FANCB: variants seen among roughly 807,000 people sequenced by gnomAD.
FANCB encodes the protein Fanconi anemia group B protein.
FANCB carries 5 observed loss-of-function variants against 38.9 expected under a neutral mutation model. The observed-to-expected ratio is 0.13, with a 90% CI of 0.07 to 0.27. The LOEUF (loss-of-function observed/expected upper bound fraction) is 0.27. Among genes scored for constraint, FANCB ranks in the 10% least tolerant of loss-of-function variants. The pLI is 1.00. For synonymous variants in FANCB, 236 were observed against 215.4 expected (o/e 1.10, Z -0.84); for missense variants, 573 against 602.7 (o/e 0.95, Z 0.52).
downstream of FANCB, among the ~76,000 whole-genome samples, chrX:14,832,137 AAAC>A (rs2092328950): frequency 8.9e-6 from 1 of 111,879 alleles, no homozygotes; most frequent in Non-Finnish European, 1.9e-5. Flanking sequence ...GGGTGGCTTA[AAAC>A]AACAGAAATT....
At chrX:14,734,784 G>A in the FANCB span, among the ~76,000 whole-genome samples, 1 of 110,704 alleles carries the variant, frequency 9.0e-6, no homozygotes, top group East Asian at 2.8e-4. Context: ...TGCTAGATTG[G>A]GGAAGCTCTC....
chrX:14,699,198 A>G, the FANCB span, among the ~76,000 whole-genome samples: 3 of 112,029 alleles, frequency 2.7e-5, no homozygotes, highest in African/African-American at 9.7e-5. Flanking sequence ...TATGTGCACC[A>G]TGTGAAGTTA....
the FANCB span, among the ~76,000 whole-genome samples, chrX:14,780,727 G>A: frequency 1.8e-5 from 2 of 110,363 alleles, no homozygotes; most frequent in East Asian, 2.8e-4. Context: ...TAATGGGTAT[G>A]TCTGTGTCCC....
In FANCB at chrX:14,843,745, G is replaced by A; in HGVS notation, c.2402C>T (p.Ala801Val). The part of the protein sequence containing the change: ...SKGKSSVVAA[A>V]LSDRRENIHP... Reference sequence around the variant, plus strand: ...GATATTTTCCCTTCTGTCTGATAAAGCAGCCGCGACGACACTACTCTTTCC... The same window carrying A: ...GATATTTTCCCTTCTGTCTGATAAAACAGCCGCGACGACACTACTCTTTCC... Residue 801 changes from alanine to valine, a missense_variant, in exon 10 of 10, where the codon GCT (alanine) becomes GTT (valine). Physicochemically the swap from Ala to Val is moderately conservative, Grantham distance 64. Transcript: ENST00000650831. 1 of 1,211,091 alleles carries A rather than the reference G, an allele frequency of 8.3e-7. No homozygotes were observed. Among genetic ancestry groups the A allele is most frequent in the Non-Finnish European group, 1.1e-6 (1 of 895,278 alleles).
intron 7 of FANCB, among the ~76,000 whole-genome samples, chrX:14,847,790 C>T (rs1299770881): frequency 9.1e-6 from 1 of 109,830 alleles, no homozygotes; most frequent in Admixed American, 9.6e-5. Context: ...TGAAGATCAA[C>T]AAAAAATTTA....
chrX:14,820,552 A>C, the FANCB span, among the ~76,000 whole-genome samples: 1 of 112,320 alleles, frequency 8.9e-6, no homozygotes, highest in Non-Finnish European at 1.9e-5. Flanking sequence ...GGAGACACAG[A>C]ATAAAAATGG....
At chrX:14,742,203 G>C in the FANCB span, among the ~76,000 whole-genome samples, 1 of 111,652 alleles carries the variant, frequency 9.0e-6, no homozygotes, top group Non-Finnish European at 1.9e-5. Flanking sequence ...ATGTGCCTTT[G>C]AGCTCAAAAC....
At chrX:14,717,055 G>A in the FANCB span, among the ~76,000 whole-genome samples, 1 of 111,163 alleles carries the variant, frequency 9.0e-6, no homozygotes, top group Non-Finnish European at 1.9e-5. Context: ...CAAATCTGAC[G>A]TGTCCAAAGT....
the FANCB span, among the ~76,000 whole-genome samples, chrX:14,732,577 T>C: frequency 1.8e-5 from 2 of 112,322 alleles, no homozygotes; most frequent in Non-Finnish European, 3.8e-5. Flanking sequence ...ATCGCTATTT[T>C]AACTGGTGTG....
At chrX:14,738,632 G>C in the FANCB span, among the ~76,000 whole-genome samples, 3 of 112,059 alleles carry the variant, frequency 2.7e-5, no homozygotes, top group Admixed American at 2.8e-4. Context: ...TGGAGGATTT[G>C]TCTTTTAAAC....
chrX:14,839,705 T>C (rs2092349811), downstream of FANCB, among the ~76,000 whole-genome samples: 1 of 111,670 alleles, frequency 9.0e-6, no homozygotes, highest in African/African-American at 3.3e-5. Context: ...TTACTACTCT[T>C]TTAAAGGTAA....
chrX:14,800,458 G>C, the FANCB span, among the ~76,000 whole-genome samples: 2 of 111,577 alleles, frequency 1.8e-5, no homozygotes, highest in East Asian at 5.7e-4. Context: ...AAATCCTCTA[G>C]AGCTTTCAGA....
the FANCB span, among the ~76,000 whole-genome samples, chrX:14,775,686 TAAAACAAAAC>T: frequency 9.0e-6 from 1 of 111,597 alleles, no homozygotes; most frequent in Admixed American, 9.5e-5. Context: ...CAGAACAATA[TAAAACAAAAC>T]AAAACAAAAC....
At chrX:14,769,998 C>T in the FANCB span, among the ~76,000 whole-genome samples, 1 of 110,887 alleles carries the variant, frequency 9.0e-6, no homozygotes, top group Non-Finnish European at 1.9e-5. Flanking sequence ...ATGTTGTGAA[C>T]TGAGACTGTG....
chrX:14,801,505 G>C, the FANCB span, among the ~76,000 whole-genome samples: 1 of 111,954 alleles, frequency 8.9e-6, no homozygotes, highest in Admixed American at 9.5e-5. Flanking sequence ...CATTTGATGG[G>C]TTATAAACAG....
the FANCB span, among the ~76,000 whole-genome samples, chrX:14,804,498 C>T: frequency 3.0e-4 from 33 of 110,634 alleles, no homozygotes; most frequent in African/African-American, 9.9e-4. Flanking sequence ...GTGAGGGGAG[C>T]GGGGAGGGAT....
the FANCB span, among the ~76,000 whole-genome samples, chrX:14,766,174 T>C: frequency 1.8e-5 from 2 of 112,236 alleles, no homozygotes; most frequent in African/African-American, 6.5e-5. Context: ...CTATTTGTTA[T>C]ACTGACAAAA....
At chrX:14,743,880 A>G in the FANCB span, among the ~76,000 whole-genome samples, 1 of 111,258 alleles carries the variant, frequency 9.0e-6, no homozygotes, top group Admixed American at 9.6e-5. Context: ...CTGCCTTTAC[A>G]TGGCCATATT....
At chrX:14,795,585 G>T in the FANCB span, among the ~76,000 whole-genome samples, 1 of 111,850 alleles carries the variant, frequency 8.9e-6, no homozygotes. Flanking sequence ...ACAGCTAGAG[G>T]AGAAGAAAGA....
Sources: gnomAD v4.1 joint callset for allele counts (sites outside exome capture counted in the v4.1 genomes callset) on GRCh38, gnomAD v4.1.1 for gene constraint, MANE v1.5 for transcripts, NCBI Gene and HGNC (gene_info 2026-07-23, HGNC 2026-07-21) for gene names.